The following PTPRM variants were observed in gnomAD, a reference collection of about 807,000 sequenced individuals.
PTPRM encodes protein tyrosine phosphatase receptor type M.
A neutral mutation model predicts 186.7 loss-of-function variants in PTPRM; 47 were observed. That is an observed-to-expected ratio of 0.25 (90% CI 0.20 to 0.32). The LOEUF (loss-of-function observed/expected upper bound fraction) is 0.32. Ranked by LOEUF, PTPRM falls within the 10% of genes least tolerant of loss-of-function variation. The pLI, the probability that PTPRM is intolerant of heterozygous loss-of-function variation, is 1.00. For synonymous variants in PTPRM, 668 were observed against 674.9 expected (o/e 0.99, Z 0.16); for missense variants, 1,494 against 1,865.0 (o/e 0.80, Z 3.66).
chr18:7,696,931 G>C (rs1281760907), intron 1 of PTPRM, among the ~76,000 whole-genome samples: 3 of 152,142 alleles, frequency 2.0e-5, no homozygotes, highest in Admixed American at 6.6e-5. Context: ...TGTCTTTACT[G>C]TGCGGGCTTT....
intron 1 of PTPRM, among the ~76,000 whole-genome samples, chr18:7,695,946 C>T (rs922763934): frequency 6.6e-6 from 1 of 152,184 alleles, no homozygotes; most frequent in African/African-American, 2.4e-5. Context: ...GTTCGTTTCT[C>T]AGTGCCATAG....
chr18:8,297,967 T>A lies in PTPRM; in HGVS notation c.2842+1512T>A, dbSNP rs536968708. ...GTTGATTACTCCTCAGTGGATCCCA[T>A]CAACACTTGTGGGATGCATTCTTGA... On this transcript the variant is annotated intron_variant, in intron 20 of 32. Coordinates refer to ENST00000580170, the MANE Select transcript of PTPRM (RefSeq NM_001105244.2). Among the ~76,000 whole-genome samples, 3 of 152,288 alleles carry A rather than the reference T, an allele frequency of 2.0e-5. No individual in the cohort carries two copies. The East Asian group carries it at 5.8e-4, about 29-fold the overall frequency.
rs191814096 is a variant in PTPRM, at chr18:8,303,475, G to A, written c.2842+7020G>A. The stretch of plus-strand genomic sequence containing the variant: ...CTGCTAATTGAGTGACTCCAACAGC[G>A]TCTTTGAACGAAGGGAACCAGAGTT... On this transcript the variant is annotated intron_variant, in intron 20 of 32. Transcript: ENST00000580170. Among the ~76,000 whole-genome samples the A allele has an allele frequency of 9.9e-4, 151 of 152,264 alleles. 1 individual carries two copies. The highest frequency in any genetic ancestry group is 3.4e-3 in the African/African-American group (143 of 41,550).
intron 14 of PTPRM, among the ~76,000 whole-genome samples, chr18:8,144,281 A>C (rs2092830537): frequency 6.6e-6 from 1 of 152,214 alleles, no homozygotes; most frequent in Admixed American, 6.5e-5. Context: ...CGACAGAAAA[A>C]TGCAGCGCGG....
intron 14 of PTPRM, among the ~76,000 whole-genome samples, chr18:8,150,717 A>G (rs554145574): frequency 1.3e-5 from 2 of 152,116 alleles, no homozygotes; most frequent in East Asian, 3.9e-4. Flanking sequence ...CCTTTGGAGG[A>G]GAAGAGACAT....
At chr18:8,290,509 A>G (rs1320179978) in intron 19 of PTPRM, among the ~76,000 whole-genome samples, 1 of 152,126 alleles carries the variant, frequency 6.6e-6, no homozygotes, top group Admixed American at 6.6e-5. Flanking sequence ...TATCCTGTGG[A>G]AAATGGTGGC....
At chr18:8,022,320 A>G (rs192426073) in intron 7 of PTPRM, among the ~76,000 whole-genome samples, 20 of 152,302 alleles carry the variant, frequency 1.3e-4, no homozygotes, top group African/African-American at 4.8e-4. Flanking sequence ...GTTGCTCTTG[A>G]TACTTCTTTC....
At chr18:7,822,438 G>T (rs2045249500) in intron 2 of PTPRM, among the ~76,000 whole-genome samples, 1 of 152,166 alleles carries the variant, frequency 6.6e-6, no homozygotes, top group African/African-American at 2.4e-5. Flanking sequence ...GTTCTGATTG[G>T]TACTTTCTAT....
At chr18:8,401,736 C>G (rs950779150) in intron 32 of PTPRM, among the ~76,000 whole-genome samples, 1 of 152,250 alleles carries the variant, frequency 6.6e-6, no homozygotes, top group African/African-American at 2.4e-5. Context: ...CAGTGCCGCC[C>G]GCTGGTGTGC....
chr18:8,121,091 A>T (rs2092155019), intron 13 of PTPRM, among the ~76,000 whole-genome samples: 1 of 152,204 alleles, frequency 6.6e-6, no homozygotes, highest in Non-Finnish European at 1.5e-5. Flanking sequence ...TTCTCTGACC[A>T]AACTGTTAGT....
chr18:7,705,657 T>G (rs1598406081), intron 1 of PTPRM, among the ~76,000 whole-genome samples: 1 of 151,776 alleles, frequency 6.6e-6, no homozygotes, highest in Admixed American at 6.6e-5. Context: ...TTTTTGTTGA[T>G]TTTAAGGATT....
chr18:8,215,002 A>G (rs1210446673), intron 14 of PTPRM, among the ~76,000 whole-genome samples: 2 of 152,186 alleles, frequency 1.3e-5, no homozygotes, highest in East Asian at 3.9e-4. Context: ...AAGCTTGACT[A>G]TCTTTGACAC....
At chr18:7,837,150 C>CAAAA (rs976308671) in intron 2 of PTPRM, among the ~76,000 whole-genome samples, 11 of 152,026 alleles carry the variant, frequency 7.2e-5, no homozygotes, top group African/African-American at 2.7e-4. Flanking sequence ...TTAGATTTGC[C>CAAAA]TTTTTGAGGC....
intron 7 of PTPRM, among the ~76,000 whole-genome samples, chr18:8,028,676 ATACT>A (rs2085735831): frequency 6.6e-6 from 1 of 152,226 alleles, no homozygotes; most frequent in Non-Finnish European, 1.5e-5. Flanking sequence ...TATTTATTAA[ATACT>A]TACTATATCA....
Position 8,076,535 on chromosome 18 carries a change from C to A in PTPRM, c.1522C>A (p.Gln508Lys). 6.3e-7 allele frequency: 1 copy of A among 1,596,832 alleles called. No individual in the cohort carries two copies. Among genetic ancestry groups the A allele is most frequent in the South Asian group, 1.1e-5 (1 of 90,356 alleles). Residue 508 changes from glutamine (Q) to lysine (K), a missense_variant, in exon 9 of 33, where the codon CAA (glutamine) becomes AAA (lysine). Physicochemically the swap from Gln to Lys is moderately conservative, Grantham distance 53. Coordinates refer to ENST00000580170, the MANE Select transcript of PTPRM (RefSeq NM_001105244.2). The stretch of plus-strand genomic sequence containing the variant: ...ATTTCTTCAGTGGAGAGAACCAACT[C>A]AAACATATGGTGTAATCACTTTATA... ...KIFLQWREPT[Q>K]TYGVITLYEI...
chr18:8,162,026 G>T (rs776690223), intron 14 of PTPRM, among the ~76,000 whole-genome samples: 1 of 151,996 alleles, frequency 6.6e-6, no homozygotes, highest in Admixed American at 6.5e-5. Context: ...CTGGACTCTT[G>T]TTGAGCCTCA....
chr18:7,919,263 G>T (rs896916722), intron 4 of PTPRM, among the ~76,000 whole-genome samples: 2 of 152,002 alleles, frequency 1.3e-5, no homozygotes, highest in African/African-American at 4.8e-5. Flanking sequence ...GCTCAGGCTT[G>T]CTTTGGCTAT....
In PTPRM at chr18:7,959,973, T is replaced by C. The variant is rs370008579; in HGVS notation, c.1132+4559T>C. On this transcript the variant is annotated intron_variant, in intron 7 of 32. Transcript: ENST00000580170. ...ATGCAATTTAGTTTGTGATTTCTAA[T>C]GTATCCTATATTCTCAAATTATGTG... Among the ~76,000 whole-genome samples the C allele has an allele frequency of 2.4e-4, 37 of 152,344 alleles. 1 individual carries two copies. Among genetic ancestry groups the C allele is most frequent in the African/African-American group, 8.7e-4 (36 of 41,590 alleles).
chr18:7,709,496 G>T lies in PTPRM; in HGVS notation c.74-64653G>T, dbSNP rs186016537. Among the ~76,000 whole-genome samples, 18 of 152,008 alleles carry T rather than the reference G, an allele frequency of 1.2e-4. No homozygotes were observed. The East Asian group carries it at 3.3e-3, about 28-fold the overall frequency. ...AGATAACCTAATGTCACACCTCAAA[G>T]AACTAGAGAAACAAGAACAAACTAA... On this transcript the variant is annotated intron_variant, in intron 1 of 32. Transcript: ENST00000580170.
Sources: allele counts gnomAD v4.1 joint callset (sites outside exome capture counted in the v4.1 genomes callset), GRCh38; gene constraint gnomAD v4.1.1; transcripts MANE v1.5; gene names NCBI Gene and HGNC (gene_info 2026-07-23, HGNC 2026-07-21).